Variants in SRBD1 observed in about 807,000 individuals in gnomAD.
SRBD1 encodes the protein S1 RNA-binding domain-containing protein 1.
In SRBD1, 88 loss-of-function variants were observed where a neutral mutation model predicts 115.3. The observed-to-expected ratio is 0.76, with a 90% confidence interval of 0.64 to 0.91. The LOEUF (loss-of-function observed/expected upper bound fraction) is 0.91, where lower values mean the gene tolerates loss of function less well. Ranked by LOEUF, SRBD1 falls within the 40% of genes least tolerant of loss-of-function variation. The pLI is 0.00. For missense variants in SRBD1, 1,385 were observed against 1,177.4 expected, an observed-to-expected ratio of 1.18 and a Z score of -2.58; for synonymous variants, 509 against 407.7, an observed-to-expected ratio of 1.25 and a Z score of -2.99.
At position 45,600,749 on chromosome 2, in the gene SRBD1, T is replaced by C. The variant is rs546401624; in HGVS notation, c.262-914A>G. On this transcript the variant is annotated intron_variant, in intron 3 of 20. Coordinates refer to ENST00000263736, the MANE Select transcript of SRBD1 (RefSeq NM_018079.5). Reference sequence around the variant, plus strand: ...TATAGTGTAAATAAGATAAAGACCCTACCCCTAAGCTGGTCTGTTCTCCGT... The same window carrying C: ...TATAGTGTAAATAAGATAAAGACCCCACCCCTAAGCTGGTCTGTTCTCCGT... 2.6e-5 allele frequency among the ~76,000 whole-genome samples: 4 copies of C among 152,316 alleles called. No individual in the cohort carries two copies. The East Asian group carries it at 7.7e-4, about 29-fold the overall frequency.
Position 45,546,893 on chromosome 2 carries a change from A to G in SRBD1, c.1767-54T>C, listed in dbSNP as rs112096850. The G allele has an allele frequency of 2.0e-3, 3,122 of 1,529,794 alleles. 54 individuals are homozygous for G. In the African/African-American group the frequency reaches 0.036, roughly 18 times the overall value. 94.8% of individuals were successfully genotyped at this position (1,529,794 alleles called of 1,614,324 possible). A position where few individuals can be genotyped will look rare whatever the true frequency, so the allele number is the denominator to read the frequency against. Reference sequence around the variant, plus strand: ...GAATTTCAAGGCATGCTTTGAAATCAGCTGGAGAAAATGTACAGAATGCAC... The same window carrying G: ...GAATTTCAAGGCATGCTTTGAAATCGGCTGGAGAAAATGTACAGAATGCAC... On this transcript the variant is annotated intron_variant, in intron 13 of 20. Coordinates refer to ENST00000263736, the MANE Select transcript of SRBD1 (RefSeq NM_018079.5).
At chr2:45,421,178 A>G (rs1667988156) in intron 16 of SRBD1, among the ~76,000 whole-genome samples, 1 of 152,140 alleles carries the variant, frequency 6.6e-6, no homozygotes, top group Non-Finnish European at 1.5e-5. Flanking sequence ...GGACACCATT[A>G]AATGTAAGCT....
At chr2:45,429,369 G>A (rs1385896058) in intron 16 of SRBD1, among the ~76,000 whole-genome samples, 1 of 152,026 alleles carries the variant, frequency 6.6e-6, no homozygotes, top group Non-Finnish European at 1.5e-5. Context: ...CAATATTCCT[G>A]ATGAACATCG....
chr2:45,546,391 G>A (rs1672119899), intron 14 of SRBD1: 1 of 960,588 alleles, frequency 1.0e-6, no homozygotes, highest in Admixed American at 6.2e-5. Flanking sequence ...GTTATTCACA[G>A]TCTACTAGCT....
At chr2:45,590,090 T>C (rs1288823599) in intron 4 of SRBD1, among the ~76,000 whole-genome samples, 2 of 152,214 alleles carry the variant, frequency 1.3e-5, no homozygotes, top group African/African-American at 4.8e-5. Context: ...AAGCCTCTGA[T>C]GAGAAACCAA....
intron 14 of SRBD1, among the ~76,000 whole-genome samples, chr2:45,532,130 T>C (rs2103985589): frequency 6.6e-6 from 1 of 151,618 alleles, no homozygotes; most frequent in South Asian, 2.1e-4. Flanking sequence ...TACTCTCTTC[T>C]CTGGCTAACT....
At chr2:45,394,993 T>G (rs1306516121) in intron 19 of SRBD1, among the ~76,000 whole-genome samples, 1 of 152,186 alleles carries the variant, frequency 6.6e-6, no homozygotes, top group African/African-American at 2.4e-5. Flanking sequence ...GGACGAACAG[T>G]AGCATACAAG....
At chr2:45,481,003 T>G (rs1669946777) in intron 15 of SRBD1, among the ~76,000 whole-genome samples, 1 of 152,194 alleles carries the variant, frequency 6.6e-6, no homozygotes, top group African/African-American at 2.4e-5. Context: ...ATCTCAGCCT[T>G]TAGTAACCAC....
At chr2:45,485,571 T>C (rs1033811601) in intron 15 of SRBD1, among the ~76,000 whole-genome samples, 5 of 152,184 alleles carry the variant, frequency 3.3e-5, no homozygotes, top group African/African-American at 9.7e-5. Flanking sequence ...CCATGTACCA[T>C]GCATTGTGGG....
intron 14 of SRBD1, among the ~76,000 whole-genome samples, chr2:45,512,422 T>C (rs1335150436): frequency 4.8e-4 from 73 of 152,300 alleles, no homozygotes; most frequent in East Asian, 7.7e-4. Context: ...AAAGAAAAAC[T>C]GAATCTATGA....
chr2:45,568,095 A>C (rs775139676), intron 9 of SRBD1: 10 of 152,244 alleles, frequency 6.6e-5, no homozygotes, highest in African/African-American at 9.6e-5. Context: ...GTTAAGACAC[A>C]GGAAATTGCA....
chr2:45,494,116 TTTCA>T (rs1670384401), intron 14 of SRBD1, among the ~76,000 whole-genome samples: 1 of 152,182 alleles, frequency 6.6e-6, no homozygotes. Context: ...TTAATTAAGC[TTTCA>T]TTAAGAATTA....
chr2:45,537,630 G>A, intron 14 of SRBD1, among the ~76,000 whole-genome samples: 1 of 152,290 alleles, frequency 6.6e-6, no homozygotes, highest in East Asian at 1.9e-4. Context: ...TGTTTTGGGG[G>A]GAGGGACAAG....
At chr2:45,579,024 TGA>T (rs1321992729) in intron 7 of SRBD1, among the ~76,000 whole-genome samples, 1 of 152,216 alleles carries the variant, frequency 6.6e-6, no homozygotes, top group Non-Finnish European at 1.5e-5. Context: ...AATAATTTTT[TGA>T]GAGTAGAGAC....
intron 14 of SRBD1, among the ~76,000 whole-genome samples, chr2:45,516,225 C>T (rs537871513): frequency 6.6e-6 from 1 of 152,154 alleles, no homozygotes; most frequent in Non-Finnish European, 1.5e-5. Context: ...ATAGACATTC[C>T]AAACATGTAA....
intron 14 of SRBD1, among the ~76,000 whole-genome samples, chr2:45,489,003 C>A (rs918107461): frequency 2.0e-5 from 3 of 152,062 alleles, no homozygotes; most frequent in African/African-American, 7.2e-5. Flanking sequence ...AATAGTCACA[C>A]AAATCATTCT....
chr2:45,564,642 T>A (rs564607839), intron 9 of SRBD1, among the ~76,000 whole-genome samples: 1 of 152,168 alleles, frequency 6.6e-6, no homozygotes, highest in Non-Finnish European at 1.5e-5. Context: ...CCATTTATGA[T>A]ACCACCAAAA....
At chr2:45,571,060 G>A (rs530622524) in intron 9 of SRBD1, among the ~76,000 whole-genome samples, 1 of 152,230 alleles carries the variant, frequency 6.6e-6, no homozygotes, top group South Asian at 2.1e-4. Flanking sequence ...TGGGCATGCT[G>A]AGGGCTAGGT....
chr2:45,545,810 A>T (rs1200289968), intron 14 of SRBD1, among the ~76,000 whole-genome samples: 2 of 151,942 alleles, frequency 1.3e-5, no homozygotes, highest in East Asian at 3.9e-4. Flanking sequence ...TTTCTGACTG[A>T]CTCTGACTAC....
Sources: allele counts gnomAD v4.1 joint callset (sites outside exome capture counted in the v4.1 genomes callset), GRCh38; gene constraint gnomAD v4.1.1; transcripts MANE v1.5; gene names NCBI Gene and HGNC (gene_info 2026-07-23, HGNC 2026-07-21).